RCAN2: variants seen among roughly 807,000 people sequenced by gnomAD.
RCAN2 encodes calcipressin-2.
A neutral mutation model predicts 23.6 loss-of-function variants in RCAN2; 9 were observed. The ratio of observed to expected loss-of-function variants is 0.38; its 90% CI spans 0.23 to 0.67. The LOEUF (loss-of-function observed/expected upper bound fraction) is 0.67. Among genes scored for constraint, RCAN2 ranks in the 30% least tolerant of loss-of-function variants. RCAN2 has a pLI of 0.51. For missense variants in RCAN2, 273 were observed against 302.3 expected (o/e 0.90, Z 0.72); for synonymous variants, 109 against 115.7 (o/e 0.94, Z 0.37).
intron 2 of RCAN2, among the ~76,000 whole-genome samples, chr6:46,418,704 T>C (rs1263519662): frequency 1.0e-5 from 1 of 99,474 alleles, no homozygotes; most frequent in East Asian, 2.6e-4. Flanking sequence ...TGTATATATA[T>C]ATATATATAT....
intron 2 of RCAN2, among the ~76,000 whole-genome samples, chr6:46,337,469 G>A (rs1259079541): frequency 6.6e-6 from 1 of 152,168 alleles, no homozygotes; most frequent in African/African-American, 2.4e-5. Flanking sequence ...TATTTGATAA[G>A]CCTTACTCTT....
intron 2 of RCAN2, among the ~76,000 whole-genome samples, chr6:46,333,031 G>T (rs552192231): frequency 4.6e-5 from 7 of 152,256 alleles, no homozygotes; most frequent in African/African-American, 1.2e-4. Flanking sequence ...TCTCATTGTG[G>T]TTTTGATTTC....
Position 46,364,555 on chromosome 6 carries a change from G to T in RCAN2, c.225+92197C>A, listed in dbSNP as rs557533984. ...GTTTCCATGTGCTTACGCGGAGACT[G>T]AGCTGCCTGCTTAGCCTCACACAGC... On this transcript the variant is annotated intron_variant, in intron 2 of 4. Coordinates refer to ENST00000371374, the MANE Select transcript of RCAN2 (RefSeq NM_001251974.2). Among the ~76,000 whole-genome samples the T allele has an allele frequency of 2.0e-5, 3 of 152,286 alleles. No individual in the cohort carries two copies. The East Asian group carries it at 5.8e-4, about 29-fold the overall frequency.
chr6:46,418,302 ATAAACAC>A (rs1447468910), intron 2 of RCAN2, among the ~76,000 whole-genome samples: 2 of 152,204 alleles, frequency 1.3e-5, no homozygotes, highest in Non-Finnish European at 2.9e-5. Flanking sequence ...AACGGAAATA[ATAAACAC>A]TTCAAATATT....
intron 2 of RCAN2, among the ~76,000 whole-genome samples, chr6:46,343,099 T>TA (rs1435559298): frequency 3.3e-5 from 5 of 152,050 alleles, no homozygotes; most frequent in African/African-American, 1.2e-4. Context: ...AGATGTGTCA[T>TA]AAACTCCTAA....
chr6:46,303,809 A>G (rs1762984156), intron 2 of RCAN2, among the ~76,000 whole-genome samples: 1 of 152,104 alleles, frequency 6.6e-6, no homozygotes, highest in Non-Finnish European at 1.5e-5. Flanking sequence ...TGTGAGAGTC[A>G]TCCATCCCAT....
At position 46,438,395 on chromosome 6, in the gene RCAN2, A is replaced by C. The variant is rs544152912; in HGVS notation, c.225+18357T>G. ...TAAGCCAAGGCACAGCTGCCACTGCAGACACCTCACCAAGCACTCAGAATT... is the reference window on the plus strand; with the variant it reads ...TAAGCCAAGGCACAGCTGCCACTGCCGACACCTCACCAAGCACTCAGAATT... On this transcript the variant is annotated intron_variant, in intron 2 of 4. Coordinates refer to ENST00000371374, the MANE Select transcript of RCAN2 (RefSeq NM_001251974.2). 3 of 152,702 alleles carry C rather than the reference A, an allele frequency of 2.0e-5. No individual in the cohort carries two copies. The South Asian group carries it at 6.2e-4, about 32-fold the overall frequency. 9.5% of individuals were successfully genotyped at this position (152,702 alleles called of 1,614,324 possible).
At chr6:46,366,659 A>C (rs913922660) in intron 2 of RCAN2, among the ~76,000 whole-genome samples, 3 of 150,236 alleles carry the variant, frequency 2.0e-5, no homozygotes, top group Non-Finnish European at 4.4e-5. Flanking sequence ...CCATCACACC[A>C]CCCCCCAACC....
At chr6:46,328,340 C>T (rs560588998) in intron 2 of RCAN2, among the ~76,000 whole-genome samples, 1 of 152,238 alleles carries the variant, frequency 6.6e-6, no homozygotes, top group East Asian at 1.9e-4. Context: ...ATAGTATTAT[C>T]CCTCCCAGAG....
intron 2 of RCAN2, among the ~76,000 whole-genome samples, chr6:46,329,232 G>A (rs769268007): frequency 7.2e-5 from 11 of 152,032 alleles, no homozygotes; most frequent in African/African-American, 1.4e-4. Context: ...CTGGATCTCC[G>A]CTCAGATCAC....
At chr6:46,254,220 T>C (rs1319541484) in intron 2 of RCAN2, among the ~76,000 whole-genome samples, 1 of 152,134 alleles carries the variant, frequency 6.6e-6, no homozygotes, top group Non-Finnish European at 1.5e-5. Context: ...GGAACTGGTA[T>C]TGGGATCCCT....
chr6:46,484,450 C>T (rs1343806060), intron 1 of RCAN2, among the ~76,000 whole-genome samples: 1 of 152,160 alleles, frequency 6.6e-6, no homozygotes, highest in African/African-American at 2.4e-5. Context: ...CTGGTCAAAA[C>T]CAGCTAAAGC....
At chr6:46,328,566 G>C (rs531726785) in intron 2 of RCAN2, among the ~76,000 whole-genome samples, 51 of 152,260 alleles carry the variant, frequency 3.3e-4, no homozygotes, top group Middle Eastern at 3.4e-3. Context: ...AGAGAGCCCA[G>C]GAGGCTCTCC....
At chr6:46,277,405 G>A (rs948910070) in intron 2 of RCAN2, among the ~76,000 whole-genome samples, 1 of 152,018 alleles carries the variant, frequency 6.6e-6, no homozygotes, top group Non-Finnish European at 1.5e-5. Flanking sequence ...ACATTTCAGT[G>A]TAAAAGAAGG....
chr6:46,355,317 T>C (rs1764795868), intron 2 of RCAN2, among the ~76,000 whole-genome samples: 1 of 152,152 alleles, frequency 6.6e-6, no homozygotes, highest in Non-Finnish European at 1.5e-5. Context: ...AAGTGGCTCA[T>C]GGATCACTAG....
At chr6:46,351,881 G>A (rs535279791) in intron 2 of RCAN2, among the ~76,000 whole-genome samples, 2 of 152,178 alleles carry the variant, frequency 1.3e-5, no homozygotes, top group Non-Finnish European at 2.9e-5. Flanking sequence ...TGTGTCCCCA[G>A]GAACTCAGTG....
chr6:46,438,499 C>G (rs1405050445), intron 2 of RCAN2: 1 of 152,326 alleles, frequency 6.6e-6, no homozygotes, highest in Non-Finnish European at 1.5e-5. Context: ...TCTCCAAGGA[C>G]AAGAGTACTG....
rs1765437131 is a variant in RCAN2 at position 46,375,642 on chromosome 6, A to G, written c.225+81110T>C. Among the ~76,000 whole-genome samples, 3 of 152,336 alleles carry G rather than the reference A, an allele frequency of 2.0e-5. No individual in the cohort carries two copies. The South Asian group carries it at 6.2e-4, about 32-fold the overall frequency. The stretch of plus-strand genomic sequence containing the variant: ...CCATATTTATGCTTCTATGTCAGGG[A>G]TCAGCAAACTTTTGCCATAAAGAGC... On this transcript the variant is annotated intron_variant, in intron 2 of 4. Transcript: ENST00000371374.
At chr6:46,321,982 C>T (rs1437637762) in intron 2 of RCAN2, among the ~76,000 whole-genome samples, 4 of 152,294 alleles carry the variant, frequency 2.6e-5, no homozygotes, top group Non-Finnish European at 4.4e-5. Context: ...TATATGATTA[C>T]CTATGCCTGG....
Sources: gnomAD v4.1 joint callset for allele counts (sites outside exome capture counted in the v4.1 genomes callset) on GRCh38, gnomAD v4.1.1 for gene constraint, MANE v1.5 for transcripts, NCBI Gene and HGNC (gene_info 2026-07-23, HGNC 2026-07-21) for gene names.